The following AGBL4 variants were observed in gnomAD, a reference collection of about 807,000 sequenced individuals.
AGBL4 encodes the protein cytosolic carboxypeptidase 6.
Under a neutral mutation model 66.4 loss-of-function variants are expected in AGBL4, and 58 were observed. That is an observed-to-expected ratio of 0.87 (90% CI 0.71 to 1.09). The LOEUF is 1.09. AGBL4 is among the 50% of genes least tolerant of loss of function. The pLI, the probability that AGBL4 is intolerant of heterozygous loss-of-function variation, is 0.00. For synonymous variants in AGBL4, 234 were observed against 222.9 expected, an observed-to-expected ratio of 1.05 and a Z score of -0.44; for missense variants, 579 against 631.0, an observed-to-expected ratio of 0.92 and a Z score of 0.88.
intron 2 of AGBL4, among the ~76,000 whole-genome samples, chr1:49,819,563 C>T (rs1240004402): frequency 1.3e-5 from 2 of 151,882 alleles, no homozygotes; most frequent in Admixed American, 6.6e-5. Context: ...AATACCAATC[C>T]GTGTATAAGA....
rs1320932169 is a variant in AGBL4 at position 49,224,330 on chromosome 1, T to C, written c.377+21440A>G. On this transcript the variant is annotated intron_variant, in intron 4 of 13. Coordinates refer to ENST00000371839, the MANE Select transcript of AGBL4 (RefSeq NM_032785.4). ...CAGGCCTGATTACATCAAATTCCAA[T>C]TGGCCGGCCGGACGCGGTGACTTAT... Among the ~76,000 whole-genome samples, 4 of 152,028 alleles carry C rather than the reference T, an allele frequency of 2.6e-5. No homozygotes were observed. The East Asian group carries it at 7.7e-4, about 29-fold the overall frequency.
At chr1:49,659,769 C>T (rs1646231233) in intron 3 of AGBL4, among the ~76,000 whole-genome samples, 1 of 152,058 alleles carries the variant, frequency 6.6e-6, no homozygotes, top group African/African-American at 2.4e-5. Context: ...CCAAGTGGAC[C>T]TGATAGATAT....
intron 3 of AGBL4, among the ~76,000 whole-genome samples, chr1:49,618,535 G>A (rs371852925): frequency 1.3e-5 from 2 of 152,164 alleles, no homozygotes; most frequent in African/African-American, 4.8e-5. Flanking sequence ...TTCTACCAGA[G>A]GTACAAAGAG....
intron 3 of AGBL4, among the ~76,000 whole-genome samples, chr1:49,449,738 T>C (rs1166743483): frequency 6.6e-6 from 1 of 152,034 alleles, no homozygotes; most frequent in Non-Finnish European, 1.5e-5. Context: ...AATTTCTGGA[T>C]ACATTTCCGG....
At chr1:49,130,830 G>A (rs542023622) in intron 4 of AGBL4, among the ~76,000 whole-genome samples, 1 of 152,120 alleles carries the variant, frequency 6.6e-6, no homozygotes, top group South Asian at 2.1e-4. Flanking sequence ...CTTTAAAGTA[G>A]TTTTTTCCAA....
chr1:49,962,795 T>C (rs906897261), intron 1 of AGBL4, among the ~76,000 whole-genome samples: 10 of 152,262 alleles, frequency 6.6e-5, no homozygotes, highest in Admixed American at 2.0e-4. Context: ...CTTAAAATCA[T>C]TGAATTTTAG....
chr1:49,893,878 G>A (rs908045012), intron 1 of AGBL4, among the ~76,000 whole-genome samples: 8 of 152,146 alleles, frequency 5.3e-5, no homozygotes, highest in South Asian at 4.1e-4. Context: ...AGTGAACATA[G>A]GCAGTAGACA....
At chr1:49,553,945 C>T (rs1436329134) in intron 3 of AGBL4, among the ~76,000 whole-genome samples, 1 of 152,010 alleles carries the variant, frequency 6.6e-6, no homozygotes, top group African/African-American at 2.4e-5. Context: ...CTAGAGCAGA[C>T]TGAGCAACAT....
In AGBL4 at chr1:49,562,789, T is replaced by G. The variant is rs1644085160; in HGVS notation, c.282+134524A>C. ...TTGGCTTAGGATTGACTTGGCAATG[T>G]GGGCTCTTTGTTGATTCCATATGGA... On this transcript the variant is annotated intron_variant, in intron 3 of 13. Coordinates refer to ENST00000371839, the MANE Select transcript of AGBL4 (RefSeq NM_032785.4). Among the ~76,000 whole-genome samples, 5 of 152,222 alleles carry G rather than the reference T, an allele frequency of 3.3e-5. No homozygotes were observed. The South Asian group carries it at 1.0e-3, about 32-fold the overall frequency.
chr1:50,023,329 C>T (rs1662583809), intron 1 of AGBL4, among the ~76,000 whole-genome samples: 1 of 152,194 alleles, frequency 6.6e-6, no homozygotes, highest in African/African-American at 2.4e-5. Flanking sequence ...ATACCTCCCT[C>T]TTTAGAGTCA....
chr1:49,831,944 C>T (rs1262515311), intron 2 of AGBL4, among the ~76,000 whole-genome samples: 2 of 151,050 alleles, frequency 1.3e-5, no homozygotes, highest in Non-Finnish European at 2.9e-5. Flanking sequence ...AGCCTTGCAT[C>T]TCAGGGATGA....
chr1:49,338,444 G>A (rs1645478468), intron 3 of AGBL4, among the ~76,000 whole-genome samples: 1 of 152,130 alleles, frequency 6.6e-6, no homozygotes, highest in Non-Finnish European at 1.5e-5. Context: ...TCCAAGTCCT[G>A]TCAATTCTAC....
At chr1:49,991,395 T>C (rs1049969719) in intron 1 of AGBL4, among the ~76,000 whole-genome samples, 3 of 152,120 alleles carry the variant, frequency 2.0e-5, no homozygotes, top group Non-Finnish European at 4.4e-5. Context: ...TACATGACAA[T>C]CACTTCTAAA....
At chr1:48,679,290 G>T (rs1570231005) in intron 6 of AGBL4, among the ~76,000 whole-genome samples, 2 of 152,316 alleles carry the variant, frequency 1.3e-5, no homozygotes, top group East Asian at 3.9e-4. Flanking sequence ...TAAGATCAAG[G>T]GTCTCTGAGT....
At chr1:48,882,433 G>A (rs1213019628) in intron 5 of AGBL4, among the ~76,000 whole-genome samples, 1 of 151,990 alleles carries the variant, frequency 6.6e-6, no homozygotes. Context: ...TATTTACAGT[G>A]TATAATATGT....
chr1:49,693,764 T>C (rs1646932265), intron 3 of AGBL4, among the ~76,000 whole-genome samples: 1 of 152,158 alleles, frequency 6.6e-6, no homozygotes, highest in South Asian at 2.1e-4. Context: ...AAGCATATCA[T>C]TTTATTTTCT....
chr1:48,955,057 C>T (rs1657319625), intron 5 of AGBL4, among the ~76,000 whole-genome samples: 1 of 152,080 alleles, frequency 6.6e-6, no homozygotes, highest in Non-Finnish European at 1.5e-5. Flanking sequence ...CAGAATTGGG[C>T]CTGTATTTCC....
intron 1 of AGBL4, chr1:49,994,236 A>G (rs969862184): frequency 1.3e-5 from 2 of 152,102 alleles, no homozygotes; most frequent in African/African-American, 4.8e-5. Flanking sequence ...AAATCTAATC[A>G]AGCTTCTAGA....
chr1:49,047,717 ATTG>A (rs1644114888), intron 4 of AGBL4, among the ~76,000 whole-genome samples: 1 of 152,112 alleles, frequency 6.6e-6, no homozygotes, highest in African/African-American at 2.4e-5. Context: ...GCCTCAGTTC[ATTG>A]TTTTATTTAG....
Sources: allele counts gnomAD v4.1 joint callset (sites outside exome capture counted in the v4.1 genomes callset), GRCh38; gene constraint gnomAD v4.1.1; transcripts MANE v1.5; gene names NCBI Gene and HGNC (gene_info 2026-07-23, HGNC 2026-07-21).